The following NAALAD2 variants were observed in gnomAD, a reference collection of about 807,000 sequenced individuals.
NAALAD2 encodes the protein N-acetylated-alpha-linked acidic dipeptidase 2.
A neutral mutation model predicts 95.6 loss-of-function variants in NAALAD2; 89 were observed. The observed-to-expected ratio is 0.93, with a 90% CI of 0.78 to 1.11. NAALAD2 has a LOEUF of 1.11. Ranked by LOEUF, NAALAD2 falls within the 50% of genes least tolerant of loss-of-function variation. The pLI is 0.00. For synonymous variants in NAALAD2, 264 were observed against 294.4 expected, an observed-to-expected ratio of 0.90 and a Z score of 1.06; for missense variants, 894 against 872.4, an observed-to-expected ratio of 1.02 and a Z score of -0.31.
intron 15 of NAALAD2, among the ~76,000 whole-genome samples, chr11:90,177,525 G>C (rs1280436346): frequency 6.8e-6 from 1 of 146,622 alleles, no homozygotes; most frequent in African/African-American, 2.5e-5. Flanking sequence ...TTCGTTATTA[G>C]CGTTTTGCCT....
At chr11:90,155,367 G>A (rs1428705270) in intron 6 of NAALAD2, among the ~76,000 whole-genome samples, 2,887 of 80,376 alleles carry the variant, frequency 0.036, 51 homozygotes, top group East Asian at 0.098. Flanking sequence ...TGTATAATAT[G>A]TAATATTACA....
intron 2 of NAALAD2, among the ~76,000 whole-genome samples, chr11:90,141,154 A>C (rs1308475462): frequency 1.3e-5 from 2 of 152,214 alleles, no homozygotes; most frequent in African/African-American, 4.8e-5. Context: ...GATTTTAACA[A>C]AACATAGAAT....
At chr11:90,173,729 AAGT>A (rs1220689391) in intron 13 of NAALAD2, 92 bp from the exon 14 acceptor site, 5 of 799,172 alleles carry the variant, frequency 6.3e-6, no homozygotes, top group East Asian at 5.2e-5. Flanking sequence ...ATGTTATTAA[AAGT>A]AGAAGTTGAT....
chr11:90,176,956 C>T (rs954471114), intron 15 of NAALAD2, among the ~76,000 whole-genome samples: 6 of 152,148 alleles, frequency 3.9e-5, no homozygotes, highest in African/African-American at 1.4e-4. Flanking sequence ...CACTTTTATA[C>T]TCTGTCTTCT....
chr11:90,167,435 C>T (rs1373080407), intron 11 of NAALAD2, among the ~76,000 whole-genome samples: 9 of 152,190 alleles, frequency 5.9e-5, no homozygotes, highest in Non-Finnish European at 1.2e-4. Context: ...GCCCCCGCCG[C>T]GGCCGCTGCA....
At chr11:90,160,295 A>G (rs1040964123) in intron 8 of NAALAD2, among the ~76,000 whole-genome samples, 1 of 152,222 alleles carries the variant, frequency 6.6e-6, no homozygotes, top group African/African-American at 2.4e-5. Context: ...ACAGCGTGGC[A>G]TGATCAGAAC....
chr11:90,155,895 A>T (rs1353312375), intron 6 of NAALAD2, among the ~76,000 whole-genome samples: 1 of 144,516 alleles, frequency 6.9e-6, no homozygotes, highest in Non-Finnish European at 1.5e-5. Flanking sequence ...AATATATATT[A>T]TATATTATAT....
intron 13 of NAALAD2, among the ~76,000 whole-genome samples, chr11:90,171,607 G>T (rs531991370): frequency 1.2e-4 from 18 of 152,228 alleles, no homozygotes; most frequent in African/African-American, 3.6e-4. Context: ...GTGCCTCTTT[G>T]TACAAAGATA....
intron 16 of NAALAD2, among the ~76,000 whole-genome samples, chr11:90,180,844 T>G (rs1952943904): frequency 6.6e-6 from 1 of 152,090 alleles, no homozygotes; most frequent in Non-Finnish European, 1.5e-5. Context: ...AAGCAAAACT[T>G]GAATTTGAAT....
chr11:90,144,735 T>G (rs1254927674), intron 2 of NAALAD2, among the ~76,000 whole-genome samples: 1 of 47,340 alleles, frequency 2.1e-5, no homozygotes, highest in African/African-American at 1.5e-4. Context: ...AGAGCAAAAC[T>G]CCATTAAAAA....
chr11:90,158,492 A>T, intron 7 of NAALAD2: 1 of 329,312 alleles, frequency 3.0e-6, no homozygotes, highest in Non-Finnish European at 5.5e-6. Flanking sequence ...TCCTAAGATA[A>T]TTCTGATTTG....
Position 90,177,840 on chromosome 11 carries a change from A to ATTTTTTT in NAALAD2, c.1594-10_1594-4dup. On this transcript the variant is annotated splice_polypyrimidine_tract_variant and intron_variant, in intron 15 of 18. Transcript: ENST00000534061. ...AATGTTTATTTATACTTGCCTCTCC[A>ATTTTTTT]TTTTTTTTTCAGAAAACAGATAAGT... 4 of 1,555,850 alleles carry ATTTTTTT rather than the reference A, an allele frequency of 2.6e-6. No individual in the cohort carries two copies. The highest frequency in any genetic ancestry group is 2.8e-5 in the African/African-American group (2 of 71,502).
chr11:90,180,825 G>A (rs188206125), intron 16 of NAALAD2, among the ~76,000 whole-genome samples: 144 of 152,006 alleles, frequency 9.5e-4, no homozygotes, highest in African/African-American at 3.4e-3. Context: ...AACCCATTAA[G>A]TTTCAAAAAA....
chr11:90,172,690 A>G (rs945856960), intron 13 of NAALAD2, among the ~76,000 whole-genome samples: 5 of 152,106 alleles, frequency 3.3e-5, no homozygotes, highest in South Asian at 2.1e-4. Context: ...TGTATCCCCA[A>G]TTAGATTTCA....
At chr11:90,169,132 G>A (rs941618260) in intron 12 of NAALAD2, 140 bp downstream of exon 12, 11 of 548,994 alleles carry the variant, frequency 2.0e-5, no homozygotes, top group Non-Finnish European at 3.2e-5. Flanking sequence ...CTTCCTTTGA[G>A]ATGCCTCAGT....
intron 12 of NAALAD2, chr11:90,169,204 AT>A: frequency 2.3e-6 from 1 of 427,332 alleles, no homozygotes. Context: ...AATTGATATG[AT>A]TCATAACTAA....
intron 8 of NAALAD2, among the ~76,000 whole-genome samples, chr11:90,162,309 C>T (rs1952318901): frequency 6.6e-6 from 1 of 152,034 alleles, no homozygotes; most frequent in South Asian, 2.1e-4. Context: ...AAAAGCCTGA[C>T]CCAAATCAGA....
At chr11:90,178,649 C>T (rs559072692) in intron 16 of NAALAD2, among the ~76,000 whole-genome samples, 65 of 147,714 alleles carry the variant, frequency 4.4e-4, no homozygotes, top group Admixed American at 2.0e-3. Context: ...CCAGCCTGGG[C>T]GACAGAGCAA....
intron 1 of NAALAD2, 55 bp from the exon 2 acceptor site, chr11:90,135,502 TAA>T (rs1951431858): frequency 4.7e-6 from 6 of 1,268,048 alleles, no homozygotes; most frequent in Non-Finnish European, 6.6e-6. Context: ...CTAGTTTTAA[TAA>T]AGTCAAAGTG....
Sources: gnomAD v4.1 joint callset for allele counts (sites outside exome capture counted in the v4.1 genomes callset) on GRCh38, gnomAD v4.1.1 for gene constraint, MANE v1.5 for transcripts, NCBI Gene and HGNC (gene_info 2026-07-23, HGNC 2026-07-21) for gene names.